The following PSMG2 variants were observed in gnomAD, a reference collection of about 807,000 sequenced individuals.
PSMG2 encodes the protein CD40 ligand-activated specific transcript 3.
In PSMG2, 21 loss-of-function variants were observed where a neutral mutation model predicts 31.5. The ratio of observed to expected loss-of-function variants is 0.67; its 90% CI spans 0.47 to 0.96. PSMG2 has a LOEUF of 0.96. Ranked by LOEUF, PSMG2 falls within the 40% of genes least tolerant of loss-of-function variation. The pLI, the probability that PSMG2 is intolerant of heterozygous loss-of-function variation, is 0.00. For synonymous variants in PSMG2, 120 were observed against 110.4 expected (o/e 1.09, Z -0.54); for missense variants, 318 against 321.2 (o/e 0.99, Z 0.08).
chr18:12,724,293 C>CGT, intron 5 of PSMG2: 3 of 467,052 alleles, frequency 6.4e-6, no homozygotes, highest in Non-Finnish European at 7.4e-6. Context: ...CATGATTGTG[C>CGT]GTGTTCCCCA....
At chr18:12,671,100 A>G (rs1191814228) in intron 1 of PSMG2, 2 of 150,374 alleles carry the variant, frequency 1.3e-5, no homozygotes, top group Non-Finnish European at 3.0e-5. Context: ...CATAAAAATA[A>G]AACAAAGTAG....
rs1215962164 is a variant in PSMG2 at position 12,718,622 on chromosome 18, C to G, written c.394C>G (p.Leu132Val). 4.4e-6 allele frequency: 7 copies of G among 1,600,080 alleles called. No homozygotes were observed. The highest frequency in any genetic ancestry group is 5.1e-6 in the Non-Finnish European group (6 of 1,170,454). The change falls in exon 4 of 7, where the codon CTG becomes GTG. Residue 132 changes from leucine (L) to valine (V), a missense_variant. Leu to Val is a conservative substitution (Grantham distance 32). Transcript: ENST00000317615. ...CAGTCATTCATATCAGCGTAATGATCTGCAGCTTCGTAGGTATGTTTCTGC... is the reference window on the plus strand; with the variant it reads ...CAGTCATTCATATCAGCGTAATGATGTGCAGCTTCGTAGGTATGTTTCTGC... ...SSSHSYQRND[L>V]QLRSTPFRYL...
chr18:12,710,278 C>A (rs1324219481), intron 2 of PSMG2, among the ~76,000 whole-genome samples: 1 of 152,160 alleles, frequency 6.6e-6, no homozygotes, highest in Non-Finnish European at 1.5e-5. Flanking sequence ...TTTATCTACC[C>A]AAGCTTCACC....
In PSMG2 at chr18:12,686,255, A is replaced by T. The variant is rs1240084098; in HGVS notation, c.-36-20295A>T. 3 of 1,608,752 alleles carry T rather than the reference A, an allele frequency of 1.9e-6. 1 individual carries two copies. The South Asian group carries it at 3.3e-5, about 18-fold the overall frequency. ...TGCTACTTAATTCTATTATGTGTGTATAATACCTTGTTTCTACAGAGAAAG... is the reference window on the plus strand; with the variant it reads ...TGCTACTTAATTCTATTATGTGTGTTTAATACCTTGTTTCTACAGAGAAAG... On this transcript the variant is annotated intron_variant, in intron 1 of 6. Coordinates refer to the PSMG2 transcript ENST00000585331.
intron 1 of PSMG2, among the ~76,000 whole-genome samples, chr18:12,695,582 T>G (rs930841462): frequency 3.9e-5 from 6 of 152,014 alleles, no homozygotes; most frequent in African/African-American, 1.4e-4. Context: ...ACACTCTTTT[T>G]CTTCTTTAAG....
chr18:12,680,532 G>C lies in PSMG2; in HGVS notation c.-37+21759G>C, dbSNP rs1443914054. On this transcript the variant is annotated intron_variant, in intron 1 of 6. Coordinates refer to the PSMG2 transcript ENST00000585331. Reference sequence around the variant, plus strand: ...AATCGGCTTGAACCTGGGAGGTGGAGGTTGCAGTGAGCTGAGATTGTGCCA... The same window carrying C: ...AATCGGCTTGAACCTGGGAGGTGGACGTTGCAGTGAGCTGAGATTGTGCCA... The C allele has an allele frequency of 8.9e-6, 5 of 560,838 alleles. No homozygotes were observed. The African/African-American group carries it at 1.0e-4, about 11-fold the overall frequency. 34.7% of individuals were successfully genotyped at this position (560,838 alleles called of 1,614,324 possible). A position where few individuals can be genotyped will look rare whatever the true frequency, so the allele number is the denominator to read the frequency against.
chr18:12,681,256 A>ATTTTTT (rs34816720), intron 1 of PSMG2, among the ~76,000 whole-genome samples: 1 of 115,390 alleles, frequency 8.7e-6, no homozygotes, highest in Non-Finnish European at 1.7e-5. Flanking sequence ...AAAGTAGAAC[A>ATTTTTT]TTTTTTTTTT....
Position 12,697,109 on chromosome 18 carries a change from T to C in PSMG2, c.-36-9441T>C, listed in dbSNP as rs147535605. The C allele has an allele frequency of 5.9e-5, 44 of 751,444 alleles. No homozygotes were observed. In the East Asian group the frequency reaches 1.2e-3, roughly 20 times the overall value. The allele number at this position is 751,444 out of a possible 1,614,324, so 46.5% of individuals were successfully genotyped here. A position where few individuals can be genotyped will look rare whatever the true frequency, so the allele number is the denominator to read the frequency against. The stretch of plus-strand genomic sequence containing the variant: ...AGGTCCAATTGTAACTCTAACGAAA[T>C]TCTATTTTACAGGTTTCCCTCTTGG... On this transcript the variant is annotated intron_variant, in intron 1 of 6. Transcript: ENST00000585331.
intron 1 of PSMG2, among the ~76,000 whole-genome samples, chr18:12,682,012 A>G (rs1430817316): frequency 6.6e-6 from 1 of 152,058 alleles, no homozygotes; most frequent in Non-Finnish European, 1.5e-5. Flanking sequence ...AAAAAAGAAA[A>G]AAAGAAAAGA....
upstream of PSMG2, among the ~76,000 whole-genome samples, chr18:12,698,437 G>A (rs1176767371): frequency 1.3e-5 from 2 of 152,130 alleles, no homozygotes; most frequent in East Asian, 1.9e-4. Context: ...CCAAAGTGCT[G>A]GGATTACAGG....
chr18:12,713,541 T>C (rs1309618168), intron 3 of PSMG2, among the ~76,000 whole-genome samples: 1 of 152,124 alleles, frequency 6.6e-6, no homozygotes, highest in East Asian at 1.9e-4. Flanking sequence ...CACAGTTATC[T>C]CCTCATGCTA....
At chr18:12,671,283 C>T (rs1381547456) in intron 1 of PSMG2, 3 of 151,734 alleles carry the variant, frequency 2.0e-5, no homozygotes, top group Non-Finnish European at 2.9e-5. Flanking sequence ...TTTTAATTTT[C>T]GAAAAACGAA....
In PSMG2 at chr18:12,725,555, T is replaced by C. The variant is rs1400720805; in HGVS notation, c.*24T>C. On this transcript the variant is annotated 3_prime_UTR_variant, in exon 7 of 7. Coordinates refer to ENST00000317615, the MANE Select transcript of PSMG2 (RefSeq NM_020232.5). ...GATCTAATTTCTGTTTTATACCTTA[T>C]ACCCAAAACACTTACTACCAACACA... 2 of 1,510,034 alleles carry C rather than the reference T, an allele frequency of 1.3e-6. No homozygotes were observed. The highest frequency in any genetic ancestry group is 2.8e-5 in the African/African-American group (2 of 72,150). The allele number at this position is 1,510,034 out of a possible 1,614,324, so 93.5% of individuals were successfully genotyped here. A position where few individuals can be genotyped will look rare whatever the true frequency, so the allele number is the denominator to read the frequency against.
At chr18:12,669,212 A>T (rs530005928) in intron 1 of PSMG2, among the ~76,000 whole-genome samples, 1 of 151,632 alleles carries the variant, frequency 6.6e-6, no homozygotes, top group East Asian at 1.9e-4. Context: ...TCCCAGATTG[A>T]AGCGATTCTC....
intron 1 of PSMG2, among the ~76,000 whole-genome samples, chr18:12,676,352 C>T (rs755720561): frequency 1.5e-4 from 21 of 140,738 alleles, no homozygotes; most frequent in Non-Finnish European, 2.4e-4. Flanking sequence ...GGCACAATCT[C>T]GGCTCACTGC....
upstream of PSMG2, chr18:12,698,784 T>C (rs1001443700): frequency 7.0e-6 from 4 of 572,380 alleles, no homozygotes; most frequent in Non-Finnish European, 1.2e-5. Context: ...AAAAATAATA[T>C]CCAGGGAAAA....
chr18:12,702,978 C>CCCGGCGCCCAGGGACTCAAAGGACCCT (rs2040208665), upstream of PSMG2: 1 of 1,060,002 alleles, frequency 9.4e-7, no homozygotes. Flanking sequence ...GCCTCAAGGG[C>CCCGGCGCCCAGGGACTCAAAGGACCCT]CCGGCGCCCA....
At chr18:12,709,562 G>A (rs750083687) in intron 2 of PSMG2, among the ~76,000 whole-genome samples, 7 of 151,086 alleles carry the variant, frequency 4.6e-5, no homozygotes, top group East Asian at 1.9e-4. Context: ...GCAATGCCAC[G>A]ATTTTGGTTC....
intron 6 of PSMG2, 111 bp from the exon 7 acceptor site, chr18:12,725,328 C>T: frequency 1.3e-6 from 1 of 749,924 alleles, no homozygotes; most frequent in Non-Finnish European, 2.1e-6. Flanking sequence ...TAAAACCTGG[C>T]TATAAAAGTG....
Sources: gnomAD v4.1 joint callset for allele counts (sites outside exome capture counted in the v4.1 genomes callset) on GRCh38, gnomAD v4.1.1 for gene constraint, MANE v1.5 for transcripts, NCBI Gene and HGNC (gene_info 2026-07-23, HGNC 2026-07-21) for gene names.